GPR173: variants seen among roughly 807,000 people sequenced by gnomAD.
GPR173 encodes probable G protein-coupled receptor 173.
In GPR173, 2 loss-of-function variants were observed where a neutral mutation model predicts 13.9. The observed-to-expected ratio is 0.14, with a 90% CI of 0.06 to 0.45. The LOEUF (loss-of-function observed/expected upper bound fraction) is 0.45. Ranked by LOEUF, GPR173 falls within the 20% of genes least tolerant of loss-of-function variation. The pLI, the probability that GPR173 is intolerant of heterozygous loss-of-function variation, is 0.98. For synonymous variants in GPR173, 131 were observed against 141.0 expected (o/e 0.93, Z 0.50); for missense variants, 202 against 340.5 (o/e 0.59, Z 3.20).
At chrX:53,065,013 G>GT (rs1432235497) in intron 1 of GPR173, 1 of 111,788 alleles carries the variant, frequency 8.9e-6, no homozygotes, top group African/African-American at 3.3e-5. Context: ...GTCATAAGTG[G>GT]TTTGATTTAT....
chrX:53,053,573 A>G (rs781977052), intron 1 of GPR173, among the ~76,000 whole-genome samples: 1 of 113,347 alleles, frequency 8.8e-6, no homozygotes, highest in Admixed American at 9.3e-5. Context: ...GGATGAGTGT[A>G]GGTATTTGTG....
chrX:53,079,192 A>T lies in GPR173; in HGVS notation c.*1449A>T, dbSNP rs1556806285. The T allele has an allele frequency of 3.3e-5, 4 of 122,512 alleles. No individual in the cohort carries two copies. The allele number at this position is 122,512 out of a possible 1,213,427, so 10.1% of individuals were successfully genotyped here. ...TCCTGTGGGGCCGGAATCTGTATTT[A>T]TCCATCCCCCTTTCCCTTCTTTATA... On this transcript the variant is annotated 3_prime_UTR_variant, in exon 2 of 2. Transcript: ENST00000332582.
chrX:53,066,992 T>C (rs782367508), intron 1 of GPR173, among the ~76,000 whole-genome samples: 2 of 111,806 alleles, frequency 1.8e-5, no homozygotes, highest in East Asian at 5.6e-4. Flanking sequence ...CACAGACTTA[T>C]GGAGTTTCCA....
At chrX:53,068,092 T>C (rs1002134789) in intron 1 of GPR173, among the ~76,000 whole-genome samples, 1 of 111,471 alleles carries the variant, frequency 9.0e-6, no homozygotes, top group Non-Finnish European at 1.9e-5. Context: ...GAGTAGATAC[T>C]GAAATACTTA....
chrX:53,056,718 G>A (rs782673134), intron 1 of GPR173, among the ~76,000 whole-genome samples: 64 of 111,152 alleles, frequency 5.8e-4, no homozygotes, highest in African/African-American at 1.9e-3. Context: ...TTCTGGGTAG[G>A]GTGTGTGATT....
At chrX:53,069,581 G>A (rs1556804590) in intron 1 of GPR173, among the ~76,000 whole-genome samples, 1 of 112,550 alleles carries the variant, frequency 8.9e-6, no homozygotes. Flanking sequence ...CGGTATACCT[G>A]TTGCAGGATG....
chrX:53,077,834 C>A lies in GPR173; in HGVS notation c.*91C>A. On this transcript the variant is annotated 3_prime_UTR_variant, in exon 2 of 2. Coordinates refer to ENST00000332582, the MANE Select transcript of GPR173 (RefSeq NM_018969.6). The stretch of plus-strand genomic sequence containing the variant: ...GAGGGGTAGGGGCCCATACAGGAGT[C>A]CTCCTTTCTGAGCTCCAGCCCCAGC... The A allele has an allele frequency of 2.7e-6, 2 of 747,144 alleles. No individual in the cohort carries two copies. The highest frequency in any genetic ancestry group is 2.7e-5 in the South Asian group (1 of 37,210). The allele number at this position is 747,144 out of a possible 1,213,427, so 61.6% of individuals were successfully genotyped here. A position where few individuals can be genotyped will look rare whatever the true frequency, so the allele number is the denominator to read the frequency against.
intron 1 of GPR173, among the ~76,000 whole-genome samples, chrX:53,061,154 CAG>C (rs1468274412): frequency 5.6e-5 from 6 of 106,694 alleles, no homozygotes; most frequent in Admixed American, 4.1e-4. Context: ...ACCCAGGAGG[CAG>C]AGTTTGTAGT....
chrX:53,051,202 G>T (rs1460348704), intron 1 of GPR173, among the ~76,000 whole-genome samples: 1 of 110,858 alleles, frequency 9.0e-6, no homozygotes, highest in South Asian at 3.9e-4. Context: ...GGGAAGAACG[G>T]GGTCTGCTGG....
At chrX:53,052,214 G>GTGGGT (rs2146670661) in intron 1 of GPR173, among the ~76,000 whole-genome samples, 1 of 111,481 alleles carries the variant, frequency 9.0e-6, no homozygotes, top group Admixed American at 9.5e-5. Context: ...GTGCACATTT[G>GTGGGT]ATTATGTATG....
intron 1 of GPR173, among the ~76,000 whole-genome samples, chrX:53,051,594 G>A (rs782444441): frequency 9.0e-6 from 1 of 110,627 alleles, no homozygotes; most frequent in South Asian, 3.9e-4. Context: ...TGTGGGGTGG[G>A]CATGACTTTG....
intron 1 of GPR173, among the ~76,000 whole-genome samples, chrX:53,058,457 GTGTA>G (rs1932073119): frequency 9.9e-6 from 1 of 100,666 alleles, no homozygotes. Flanking sequence ...GTGTGTGTGT[GTGTA>G]TGTAAAGGGC....
At position 53,076,942 on chromosome X, in the gene GPR173, C is replaced by T. The variant is rs140925172; in HGVS notation, c.321C>T (p.Cys107=). 26 of 1,208,463 alleles carry T rather than the reference C, an allele frequency of 2.2e-5. 1 individual carries two copies. Among genetic ancestry groups the T allele is most frequent in the Non-Finnish European group, 2.8e-5 (25 of 894,564 alleles). The part of the protein sequence containing the change: ...KIVAFMAVLF[C]FHAAFMLFCI... Reference sequence around the variant, plus strand: ...TGGCCTTTATGGCCGTGCTCTTTTGCTTCCATGCGGCCTTCATGCTGTTCT... The same window carrying T: ...TGGCCTTTATGGCCGTGCTCTTTTGTTTCCATGCGGCCTTCATGCTGTTCT... The change falls in exon 2 of 2, where the codon TGC becomes TGT. Residue 107 remains cysteine, a synonymous_variant. Coordinates refer to ENST00000332582, the MANE Select transcript of GPR173 (RefSeq NM_018969.6).
chrX:53,062,306 G>C (rs910829994), intron 1 of GPR173, among the ~76,000 whole-genome samples: 1 of 110,317 alleles, frequency 9.1e-6, no homozygotes, highest in Non-Finnish European at 1.9e-5. Flanking sequence ...GTCTTGACTC[G>C]TTCCAGCACC....
intron 1 of GPR173, among the ~76,000 whole-genome samples, chrX:53,067,688 G>T: frequency 9.0e-6 from 1 of 111,067 alleles, no homozygotes; most frequent in Non-Finnish European, 1.9e-5. Flanking sequence ...GCCGGGCATG[G>T]TGGCAGGTGC....
At chrX:53,074,784 A>G (rs911866525) in intron 1 of GPR173, among the ~76,000 whole-genome samples, 1 of 96,542 alleles carries the variant, frequency 1.0e-5, no homozygotes, top group Non-Finnish European at 2.0e-5. Context: ...ATAAATTTTT[A>G]TATTATAAAA....
chrX:53,067,048 A>G (rs1167400941), intron 1 of GPR173, among the ~76,000 whole-genome samples: 1 of 111,927 alleles, frequency 8.9e-6, no homozygotes, highest in Non-Finnish European at 1.9e-5. Flanking sequence ...TTTCAAACTT[A>G]GTTTATGTTG....
At chrX:53,059,604 C>G (rs1932092518) in intron 1 of GPR173, among the ~76,000 whole-genome samples, 1 of 108,902 alleles carries the variant, frequency 9.2e-6, no homozygotes, top group Non-Finnish European at 1.9e-5. Context: ...CCAGCCTGAG[C>G]AACATGGCGA....
chrX:53,061,674 G>A (rs1932127258), intron 1 of GPR173, among the ~76,000 whole-genome samples: 1 of 111,590 alleles, frequency 9.0e-6, no homozygotes, highest in Non-Finnish European at 1.9e-5. Flanking sequence ...AATTTTAGGG[G>A]AGTTATTAAA....
Sources: gnomAD v4.1 joint callset for allele counts (sites outside exome capture counted in the v4.1 genomes callset) on GRCh38, gnomAD v4.1.1 for gene constraint, MANE v1.5 for transcripts, NCBI Gene and HGNC (gene_info 2026-07-23, HGNC 2026-07-21) for gene names.